FREM1: variants seen among roughly 807,000 people sequenced by gnomAD.
FREM1 encodes the protein FRAS1-related extracellular matrix protein 1.
FREM1 carries 220 observed loss-of-function variants against 210.1 expected under a neutral mutation model. That is an observed-to-expected ratio of 1.05 (90% CI 0.94 to 1.17). FREM1 has a LOEUF of 1.17. Among genes scored for constraint, FREM1 ranks in the 50% most tolerant of loss-of-function variants. The pLI, the probability that FREM1 is intolerant of heterozygous loss-of-function variation, is 0.00. For synonymous variants in FREM1, 1,189 were observed against 980.2 expected, an observed-to-expected ratio of 1.21 and a Z score of -3.98; for missense variants, 3,454 against 2,675.5, an observed-to-expected ratio of 1.29 and a Z score of -6.42.
At chr9:14,770,310 A>G (rs1341339195) in intron 26 of FREM1, among the ~76,000 whole-genome samples, 1 of 152,194 alleles carries the variant, frequency 6.6e-6, no homozygotes, top group Non-Finnish European at 1.5e-5. Flanking sequence ...TTAGTCACAA[A>G]TAGGAAATTT....
chr9:14,747,155 G>C (rs1391263798), intron 33 of FREM1, 104 bp from the exon 34 acceptor site: 1 of 1,580,562 alleles, frequency 6.3e-7, no homozygotes, highest in Admixed American at 1.7e-5. Context: ...CATTTGTGTT[G>C]GGTAAACTAT....
intron 25 of FREM1, among the ~76,000 whole-genome samples, chr9:14,772,541 G>T (rs1197851899): frequency 6.6e-6 from 1 of 152,164 alleles, no homozygotes; most frequent in Admixed American, 6.5e-5. Context: ...ATAGGTTTTT[G>T]AGTGGTATGG....
chr9:14,823,246 ATG>A lies in FREM1; in HGVS notation c.2249_2250del (p.Thr750IlefsTer5). On this transcript the variant is annotated frameshift_variant, in exon 13 of 37. Coordinates refer to ENST00000380880, the MANE Select transcript of FREM1 (RefSeq NM_001379081.2). LOFTEE classifies it high-confidence loss of function. The stretch of plus-strand genomic sequence containing the variant: ...CCGCCATGTTGGTTACTGACAGAAA[ATG>A]TGAACTGGACATCTCTGCAATGGGG... ...IGPHCRDVQF[T>X]FSVSNQHGGT... 3.7e-6 allele frequency: 6 copies of A among 1,613,948 alleles called. No individual in the cohort carries two copies. The highest frequency in any genetic ancestry group is 5.1e-6 in the Non-Finnish European group (6 of 1,179,834).
chr9:14,748,043 G>C (rs1349506346), intron 31 of FREM1, among the ~76,000 whole-genome samples: 1 of 152,122 alleles, frequency 6.6e-6, no homozygotes, highest in African/African-American at 2.4e-5. Flanking sequence ...GTATGCAATG[G>C]TTAGAATGCT....
chr9:14,902,061 G>T (rs1009002650), intron 1 of FREM1, among the ~76,000 whole-genome samples: 3 of 151,406 alleles, frequency 2.0e-5, no homozygotes, highest in African/African-American at 7.3e-5. Flanking sequence ...TCTCAGGCTG[G>T]TCTCAAACTC....
intron 1 of FREM1, among the ~76,000 whole-genome samples, chr9:14,888,692 G>C (rs1239372714): frequency 6.6e-6 from 1 of 152,170 alleles, no homozygotes; most frequent in African/African-American, 2.4e-5. Context: ...AATAAAATGT[G>C]TGTTGACTCT....
At chr9:14,831,235 T>C (rs2642406) in intron 10 of FREM1, among the ~76,000 whole-genome samples, 20,523 of 152,190 alleles carry the variant, frequency 0.13, 1,891 homozygotes, top group East Asian at 0.4. Flanking sequence ...GAACCTCAAC[T>C]ATCCTGTTGC....
Position 14,801,667 on chromosome 9 carries a change from C to G in FREM1, c.3679G>C (p.Glu1227Gln). 1.2e-6 allele frequency: 2 copies of G among 1,611,760 alleles called. No individual in the cohort carries two copies. The highest frequency in any genetic ancestry group is 1.7e-6 in the Non-Finnish European group (2 of 1,177,942). ...KHAPVHSFSM[E>Q]LLKTGMRLTY... ...CATGCTATACCAGTCTTGAGGAGTTCCATGGAAAAGCTGTGAACAGGTGCA... is the reference window on the plus strand; with the variant it reads ...CATGCTATACCAGTCTTGAGGAGTTGCATGGAAAAGCTGTGAACAGGTGCA... The change falls in exon 20 of 37, where the codon GAA (glutamate) becomes CAA (glutamine). Residue 1227 changes from glutamate to glutamine, a missense_variant. Glu to Gln is a conservative substitution (Grantham distance 29). Coordinates refer to ENST00000380880, the MANE Select transcript of FREM1 (RefSeq NM_001379081.2).
intron 21 of FREM1, among the ~76,000 whole-genome samples, chr9:14,795,793 A>C (rs1852264330): frequency 6.6e-6 from 1 of 152,178 alleles, no homozygotes; most frequent in Non-Finnish European, 1.5e-5. Flanking sequence ...TAATGAAATA[A>C]TATATGTGAA....
intron 27 of FREM1, among the ~76,000 whole-genome samples, chr9:14,768,836 G>A (rs892980805): frequency 6.6e-6 from 1 of 152,104 alleles, no homozygotes; most frequent in African/African-American, 2.4e-5. Flanking sequence ...GTATAACAGA[G>A]CACAGAGCTG....
At chr9:14,852,847 C>G (rs80000410) in intron 5 of FREM1, among the ~76,000 whole-genome samples, 2,806 of 152,212 alleles carry the variant, frequency 0.018, 95 homozygotes, top group African/African-American at 0.064. Flanking sequence ...CTGTGTATAA[C>G]AGAATGCTAA....
At chr9:14,842,794 A>G (rs1338995493) in intron 8 of FREM1, 134 bp from the exon 9 acceptor site, 2 of 636,526 alleles carry the variant, frequency 3.1e-6, no homozygotes, top group Non-Finnish European at 5.4e-6. Context: ...GAAAAACTAC[A>G]GATTGTTAGT....
In FREM1 at chr9:14,842,408, T is replaced by G; in HGVS notation, c.1646A>C (p.Asp549Ala). ...GATGTAGTCATCACTGGCGTCCACA[T>G]CTGAAGCTCGCAGCATGGATCCCTG... ...LIQGSMLRAS[D>A]VDASDDYIFF... Residue 549 changes from aspartate (D) to alanine (A), a missense_variant, in exon 9 of 37, where the codon GAT becomes GCT. By Grantham distance (126) the Asp-to-Ala change is moderately radical (BLOSUM62 -2). Coordinates refer to ENST00000380880, the MANE Select transcript of FREM1 (RefSeq NM_001379081.2). 1.2e-6 allele frequency: 2 copies of G among 1,613,942 alleles called. No homozygotes were observed. The highest frequency in any genetic ancestry group is 1.7e-6 in the Non-Finnish European group (2 of 1,179,810).
At chr9:14,829,510 C>G (rs925010284) in intron 10 of FREM1, among the ~76,000 whole-genome samples, 2 of 152,058 alleles carry the variant, frequency 1.3e-5, no homozygotes, top group African/African-American at 4.8e-5. Context: ...GTGTTTAGGT[C>G]ATGAGGGCTC....
intron 23 of FREM1, among the ~76,000 whole-genome samples, chr9:14,787,293 CTG>C (rs1428613497): frequency 2.0e-5 from 3 of 151,922 alleles, no homozygotes; most frequent in African/African-American, 7.3e-5. Context: ...AAACAAAAAA[CTG>C]TACAGTGACA....
chr9:14,847,137 A>G (rs1230813202), intron 7 of FREM1, among the ~76,000 whole-genome samples: 1 of 152,132 alleles, frequency 6.6e-6, no homozygotes. Flanking sequence ...ACTGACCATT[A>G]ATAGATTGTT....
intron 24 of FREM1, among the ~76,000 whole-genome samples, chr9:14,783,769 C>T (rs558708053): frequency 1.8e-4 from 28 of 152,268 alleles, no homozygotes; most frequent in African/African-American, 6.0e-4. Context: ...TTATTTGATA[C>T]GGAATTCTGG....
intron 1 of FREM1, among the ~76,000 whole-genome samples, chr9:14,884,451 T>A (rs974467352): frequency 6.6e-6 from 1 of 152,212 alleles, no homozygotes; most frequent in African/African-American, 2.4e-5. Flanking sequence ...CCAATAAAGC[T>A]GTGTGAAAAT....
chr9:14,841,035 ATC>A (rs1825604794), intron 10 of FREM1, among the ~76,000 whole-genome samples: 1 of 152,182 alleles, frequency 6.6e-6, no homozygotes. Flanking sequence ...TTCTATTATT[ATC>A]TGTTTTACAG....
Sources: allele counts gnomAD v4.1 joint callset (sites outside exome capture counted in the v4.1 genomes callset), GRCh38; gene constraint gnomAD v4.1.1; transcripts MANE v1.5; gene names NCBI Gene and HGNC (gene_info 2026-07-23, HGNC 2026-07-21).